Variants in TNNI3K observed in about 807,000 individuals in gnomAD.
The protein encoded by TNNI3K is serine/threonine-protein kinase TNNI3K.
TNNI3K carries 140 observed loss-of-function variants against 114.5 expected under a neutral mutation model. That is an observed-to-expected ratio of 1.22 (90% CI 1.07 to 1.41). The LOEUF (loss-of-function observed/expected upper bound fraction) is 1.41, where lower values mean the gene tolerates loss of function less well. Among genes scored for constraint, TNNI3K ranks in the 40% most tolerant of loss-of-function variants. The probability of loss-of-function intolerance (pLI) is 0.00; values close to 1 mark genes in which losing one functional copy is unlikely to be tolerated. For synonymous variants in TNNI3K, 347 were observed against 347.5 expected (o/e 1.00, Z 0.02); for missense variants, 1,125 against 1,007.6 (o/e 1.12, Z -1.58).
At chr1:74,347,587 C>T (rs1286471064) in intron 9 of TNNI3K, among the ~76,000 whole-genome samples, 1 of 152,176 alleles carries the variant, frequency 6.6e-6, no homozygotes, top group Non-Finnish European at 1.5e-5. Flanking sequence ...CCGACTTCCA[C>T]AATGGTTGAA....
chr1:74,476,129 C>T (rs577801909), intron 21 of TNNI3K, among the ~76,000 whole-genome samples: 3 of 152,234 alleles, frequency 2.0e-5, no homozygotes, highest in East Asian at 1.9e-4. Flanking sequence ...ATTATTTTTT[C>T]GGTCTACGTC....
chr1:74,282,961 G>C (rs1657102370), intron 5 of TNNI3K, among the ~76,000 whole-genome samples: 1 of 152,074 alleles, frequency 6.6e-6, no homozygotes, highest in African/African-American at 2.4e-5. Flanking sequence ...ATAAATTATT[G>C]TTTCAATATC....
intron 7 of TNNI3K, among the ~76,000 whole-genome samples, chr1:74,339,706 T>G (rs919967808): frequency 3.3e-5 from 5 of 152,058 alleles, no homozygotes; most frequent in African/African-American, 1.2e-4. Context: ...GTTTTAAGTC[T>G]CTGTTTTGCT....
intron 20 of TNNI3K, among the ~76,000 whole-genome samples, chr1:74,461,559 A>G (rs112754715): frequency 0.02 from 3,063 of 152,246 alleles, 104 homozygotes; most frequent in African/African-American, 0.07. Flanking sequence ...AGACACATTT[A>G]ATAAGTAGTG....
intron 21 of TNNI3K, among the ~76,000 whole-genome samples, chr1:74,464,200 T>G (rs1024888905): frequency 6.6e-6 from 1 of 152,238 alleles, no homozygotes; most frequent in East Asian, 1.9e-4. Context: ...TTCTTAAGTG[T>G]GCAGACGGGT....
intron 21 of TNNI3K, chr1:74,483,170 G>A (rs1287770789): frequency 1.5e-6 from 1 of 667,580 alleles, no homozygotes; most frequent in South Asian, 1.7e-5. Flanking sequence ...CTCTTAAGCT[G>A]AGCCCAGAGA....
chr1:74,307,850 C>T (rs779348007), intron 5 of TNNI3K, among the ~76,000 whole-genome samples: 47 of 152,104 alleles, frequency 3.1e-4, no homozygotes, highest in Admixed American at 7.9e-4. Context: ...GTAATCCCAG[C>T]TACTCGGAAG....
chr1:74,440,916 A>G (rs911419180), intron 20 of TNNI3K, among the ~76,000 whole-genome samples: 1 of 152,090 alleles, frequency 6.6e-6, no homozygotes, highest in Non-Finnish European at 1.5e-5. Context: ...TTCGTAAGAA[A>G]GAAATACAAC....
intron 5 of TNNI3K, among the ~76,000 whole-genome samples, chr1:74,288,086 A>T (rs1657443882): frequency 6.6e-6 from 1 of 152,146 alleles, no homozygotes. Context: ...AAGGCAAAAA[A>T]TAGCAAGTAT....
chr1:74,250,462 T>TA (rs1222386071), intron 3 of TNNI3K, among the ~76,000 whole-genome samples: 1 of 152,196 alleles, frequency 6.6e-6, no homozygotes. Context: ...AGAGTCAAAA[T>TA]ACACAGCATT....
At chr1:74,371,740 A>G (rs2100526771) in intron 17 of TNNI3K, 1 of 151,976 alleles carries the variant, frequency 6.6e-6, no homozygotes, top group South Asian at 2.1e-4. Flanking sequence ...TGCTATTACT[A>G]AGGTATTTCA....
In TNNI3K at chr1:74,540,359, G is replaced by A. The variant is rs1390075168; in HGVS notation, c.2431+46G>A. The A allele has an allele frequency of 3.8e-6, 6 of 1,572,478 alleles. No individual in the cohort carries two copies. In the South Asian group the frequency reaches 6.9e-5, roughly 18 times the overall value. ...GGTTTGTTAAGAAAACTACCCCTAGGAAGGTGATGTCTATTTGACAAAAAG... is the reference window on the plus strand; with the variant it reads ...GGTTTGTTAAGAAAACTACCCCTAGAAAGGTGATGTCTATTTGACAAAAAG... On this transcript the variant is annotated intron_variant, in intron 24 of 24. Coordinates refer to ENST00000326637, the MANE Select transcript of TNNI3K (RefSeq NM_015978.3).
chr1:74,446,367 G>C (rs1167885560), intron 20 of TNNI3K, among the ~76,000 whole-genome samples: 4 of 148,642 alleles, frequency 2.7e-5, no homozygotes, highest in African/African-American at 7.5e-5. Context: ...CATGTCCTTC[G>C]CCCACTTTTT....
chr1:74,542,202 G>A (rs545085768), intron 24 of TNNI3K, among the ~76,000 whole-genome samples: 5 of 152,140 alleles, frequency 3.3e-5, no homozygotes, highest in African/African-American at 7.2e-5. Flanking sequence ...TGAGGGTAGA[G>A]CCCACCCACC....
intron 17 of TNNI3K, chr1:74,372,623 G>A (rs186724361): frequency 2.3e-4 from 35 of 151,790 alleles, no homozygotes; most frequent in Admixed American, 7.9e-4. Flanking sequence ...AATATAAACC[G>A]ATGATTTTGA....
chr1:74,521,554 T>A (rs1337133079), intron 23 of TNNI3K, among the ~76,000 whole-genome samples: 1 of 151,982 alleles, frequency 6.6e-6, no homozygotes, highest in African/African-American at 2.4e-5. Context: ...ATATATGCAG[T>A]CAAAATTAAA....
At chr1:74,518,755 AG>A (rs529126349) in intron 23 of TNNI3K, among the ~76,000 whole-genome samples, 26 of 152,226 alleles carry the variant, frequency 1.7e-4, no homozygotes, top group African/African-American at 6.3e-4. Context: ...TATTTCCATA[AG>A]TAAAGGGTGT....
intron 20 of TNNI3K, among the ~76,000 whole-genome samples, chr1:74,455,414 C>A (rs1667188127): frequency 6.6e-6 from 1 of 152,134 alleles, no homozygotes; most frequent in South Asian, 2.1e-4. Flanking sequence ...TCAAACAACA[C>A]AGACTATAAA....
intron 7 of TNNI3K, 35 bp from the exon 8 acceptor site, chr1:74,342,807 A>G (rs1436583999): frequency 1.2e-6 from 2 of 1,611,442 alleles, no homozygotes; most frequent in Non-Finnish European, 8.5e-7. Context: ...AAACAATTCT[A>G]GATAACATAT....
Sources: allele counts gnomAD v4.1 joint callset (sites outside exome capture counted in the v4.1 genomes callset), GRCh38; gene constraint gnomAD v4.1.1; transcripts MANE v1.5; gene names NCBI Gene and HGNC (gene_info 2026-07-23, HGNC 2026-07-21).